The following ARHGAP1 variants were observed in gnomAD, a reference collection of about 807,000 sequenced individuals.
ARHGAP1 encodes the protein Rho GTPase activating protein 1.
ARHGAP1 carries 23 observed loss-of-function variants against 52.2 expected under a neutral mutation model. The ratio of observed to expected loss-of-function variants is 0.44; its 90% CI spans 0.32 to 0.62. The LOEUF (loss-of-function observed/expected upper bound fraction) is 0.62. Among genes scored for constraint, ARHGAP1 ranks in the 20% least tolerant of loss-of-function variants. ARHGAP1 has a pLI of 0.05. For synonymous variants in ARHGAP1, 210 were observed against 228.4 expected (o/e 0.92, Z 0.73); for missense variants, 480 against 560.9 (o/e 0.86, Z 1.46).
intron 3 of ARHGAP1, chr11:46,695,337 G>A: frequency 2.6e-6 from 1 of 391,484 alleles, no homozygotes; most frequent in Non-Finnish European, 4.9e-6. Context: ...CAACATTAGG[G>A]TGGAGGGGTA....
chr11:46,680,764 AG>A lies in ARHGAP1; in HGVS notation c.636-18del, dbSNP rs2064519739. ...TCGTCATATCTGTAGGAGTAGAGGG[AG>A]GTGGGTCAGGTCCTGCCTGGCTCTG... On this transcript the variant is annotated intron_variant, in intron 7 of 12. Coordinates refer to ENST00000311956, the MANE Select transcript of ARHGAP1 (RefSeq NM_004308.5). The surrounding 1 kb of genome is among the most constrained non-coding windows in gnomAD (Gnocchi z 5.9). 6.6e-7 allele frequency: 1 copy of A among 1,510,242 alleles called. No individual in the cohort carries two copies. The highest frequency in any genetic ancestry group is 8.9e-7 in the Non-Finnish European group (1 of 1,125,774). 93.6% of individuals were successfully genotyped at this position (1,510,242 alleles called of 1,614,324 possible).
chr11:46,695,695 T>C lies in ARHGAP1; in HGVS notation c.194A>G (p.Tyr65Cys). 1.9e-6 allele frequency: 3 copies of C among 1,551,980 alleles called. 1 individual carries two copies. Among genetic ancestry groups the C allele is most frequent in the South Asian group, 2.4e-5 (2 of 84,100 alleles). The change falls in exon 3 of 13, where the codon TAT becomes TGT. Residue 65 changes from tyrosine (Y) to cysteine (C), a missense_variant. Tyr to Cys is a radical substitution (Grantham distance 194). Coordinates refer to ENST00000311956, the MANE Select transcript of ARHGAP1 (RefSeq NM_004308.5). ...CACGATCTGGTGCCGGGCGATGTCA[T>C]AGTATGGGTCATCCCACTTCAGGTG... ...VTHLKWDDPYYDIARHQIVEV... is the reference protein window; with the variant it reads ...VTHLKWDDPYCDIARHQIVEV...
chr11:46,689,668 G>A (rs1399442919), intron 3 of ARHGAP1, among the ~76,000 whole-genome samples: 1 of 152,042 alleles, frequency 6.6e-6, no homozygotes, highest in South Asian at 2.1e-4. Flanking sequence ...AGCTTCCCGA[G>A]TAGCTGGGAT....
chr11:46,680,940 G>T lies in ARHGAP1; in HGVS notation c.635+71C>A. 1 of 1,408,534 alleles carries T rather than the reference G, an allele frequency of 7.1e-7. No homozygotes were observed. 87.3% of individuals were successfully genotyped at this position (1,408,534 alleles called of 1,614,324 possible). On this transcript the variant is annotated intron_variant, in intron 7 of 12. Coordinates refer to ENST00000311956, the MANE Select transcript of ARHGAP1 (RefSeq NM_004308.5). This position sits in a 1 kb window ranked among gnomAD's most constrained non-coding sequence, Gnocchi z 5.9. The stretch of plus-strand genomic sequence containing the variant: ...GGCTTGCTCTGCCTAAGCCCCACGC[G>T]GTCTCTGAATCAGGACACACGTCCT...
intron 4 of ARHGAP1, among the ~76,000 whole-genome samples, chr11:46,686,529 C>T (rs2064569730): frequency 6.6e-6 from 1 of 151,276 alleles, no homozygotes; most frequent in Non-Finnish European, 1.5e-5. Flanking sequence ...CGCCATTCTG[C>T]CTCAGCCTCC....
rs758948520 is a variant in ARHGAP1 at position 46,680,245 on chromosome 11, G to A, written c.858C>T (p.Asn286=). Residue 286 remains asparagine (N), a synonymous_variant, in exon 10 of 13, where the codon AAC becomes AAT. Transcript: ENST00000311956. The surrounding 1 kb of genome is among the most constrained non-coding windows in gnomAD (Gnocchi z 5.9). ...GCTGCACTTCCCGGACCACTTGGGT[G>A]TTGGCCGACCTCCGGAAGATGCCCT... ...TTEGIFRRSA[N]TQVVREVQQK... is the part of the protein sequence containing the mutation. The A allele has an allele frequency of 6.2e-7, 1 of 1,614,146 alleles. No homozygotes were observed. Among genetic ancestry groups the A allele is most frequent in the African/African-American group, 1.3e-5 (1 of 75,048 alleles).
At position 46,696,192 on chromosome 11, in the gene ARHGAP1, C is replaced by T; in HGVS notation, c.-49-36G>A. On this transcript the variant is annotated intron_variant, in intron 1 of 12. Transcript: ENST00000311956. The surrounding 1 kb of genome is among the most constrained non-coding windows in gnomAD (Gnocchi z 4.8). ...GGAAGACAGGTGGCAGGTCAGTGAC[C>T]TGCTCTTTTCACCTTCTGCGACCTC... is the stretch of plus-strand genomic sequence containing the variant. 6.9e-7 allele frequency: 1 copy of T among 1,454,572 alleles called. No individual in the cohort carries two copies. 90.1% of individuals were successfully genotyped at this position (1,454,572 alleles called of 1,614,324 possible).
In ARHGAP1 at chr11:46,678,005, C is replaced by T. The variant is rs1428822991; in HGVS notation, c.*1032G>A. On this transcript the variant is annotated 3_prime_UTR_variant, in exon 13 of 13. Coordinates refer to ENST00000311956, the MANE Select transcript of ARHGAP1 (RefSeq NM_004308.5). The stretch of plus-strand genomic sequence containing the variant: ...ATCCCCTGGGGAAATTGCTAGAACC[C>T]ACCTATCTGGACTGACCTATCAGCA... 2 of 432,546 alleles carry T rather than the reference C, an allele frequency of 4.6e-6. No individual in the cohort carries two copies. The highest frequency in any genetic ancestry group is 3.3e-5 in the South Asian group (2 of 61,448). 26.8% of individuals were successfully genotyped at this position (432,546 alleles called of 1,614,324 possible).
Position 46,678,970 on chromosome 11 carries a change from C to T in ARHGAP1, c.*67G>A. Reference sequence around the variant, plus strand: ...CTCTCTCCAGGGGGCTTCATGGCCCCTGATGCCAGGAGGAAGAGTCCAAAC... The same window carrying T: ...CTCTCTCCAGGGGGCTTCATGGCCCTTGATGCCAGGAGGAAGAGTCCAAAC... On this transcript the variant is annotated 3_prime_UTR_variant, in exon 13 of 13. Transcript: ENST00000311956. 2 of 1,545,766 alleles carry T rather than the reference C, an allele frequency of 1.3e-6. No homozygotes were observed. The highest frequency in any genetic ancestry group is 1.8e-4 in the Middle Eastern group (1 of 5,682).
At chr11:46,700,118 C>G (rs2064690586) in intron 1 of ARHGAP1, among the ~76,000 whole-genome samples, 3 of 152,216 alleles carry the variant, frequency 2.0e-5, no homozygotes, top group Admixed American at 6.5e-5. Context: ...TGCAGTGAAC[C>G]GAGACTCCAG....
Position 46,696,059 on chromosome 11 carries a change from T to G in ARHGAP1, c.49A>C (p.Ser17Arg). 6.2e-7 allele frequency: 1 copy of G among 1,613,302 alleles called. No homozygotes were observed. Among genetic ancestry groups the G allele is most frequent in the Non-Finnish European group, 8.5e-7 (1 of 1,179,672 alleles). Residue 17 changes from serine (S) to arginine (R), a missense_variant, in exon 2 of 13, where the codon AGC becomes CGC. By Grantham distance (110) the Ser-to-Arg change is moderately radical. Transcript: ENST00000311956. This position sits in a 1 kb window ranked among gnomAD's most constrained non-coding sequence, Gnocchi z 4.8. ...LQDDLTLDDT[S>R]EALNQLKLAS... ...AGCTTCAGCTGGTTCAGAGCCTCGC[T>G]GGTGTCATCCAAGGTCAGATCATCC...
chr11:46,696,039 C>A lies in ARHGAP1; in HGVS notation c.69G>T (p.Leu23=), dbSNP rs1354296278. ...LDDTSEALNQ[L]KLASIDEKNW... is the part of the protein sequence containing the mutation. ...TCTTCTCATCGATGGAGGCCAGCTT[C>A]AGCTGGTTCAGAGCCTCGCTGGTGT... The change falls in exon 2 of 13, where the codon CTG becomes CTT. Residue 23 remains leucine (L), a synonymous_variant. Coordinates refer to ENST00000311956, the MANE Select transcript of ARHGAP1 (RefSeq NM_004308.5). This position sits in a 1 kb window ranked among gnomAD's most constrained non-coding sequence, Gnocchi z 4.8. 1 of 1,613,980 alleles carries A rather than the reference C, an allele frequency of 6.2e-7. No homozygotes were observed. Among genetic ancestry groups the A allele is most frequent in the African/African-American group, 1.3e-5 (1 of 74,954 alleles).
rs571948386 is a variant in ARHGAP1, at chr11:46,700,584, T to C, written c.-83A>G. ...GGCACTGCTCCCTCTGCCACGCCTG[T>C]CAAGGCTCGGCAAACATCCGGCTCC... is the stretch of plus-strand genomic sequence containing the variant. On this transcript the variant is annotated 5_prime_UTR_variant, in exon 1 of 13. An upstream open reading frame in the 5' UTR loses its in-frame stop. Coordinates refer to ENST00000311956, the MANE Select transcript of ARHGAP1 (RefSeq NM_004308.5). The C allele has an allele frequency of 1.5e-4, 30 of 202,302 alleles. No homozygotes were observed. The highest frequency in any genetic ancestry group is 5.6e-4 in the African/African-American group (24 of 42,674). 12.5% of individuals were successfully genotyped at this position (202,302 alleles called of 1,614,324 possible). A position where few individuals can be genotyped will look rare whatever the true frequency, so the allele number is the denominator to read the frequency against.
rs1167475527 is a variant in ARHGAP1 at position 46,680,479 on chromosome 11, G to A, written c.820+8C>T. On this transcript the variant is annotated splice_region_variant and intron_variant, in intron 9 of 12. Coordinates refer to ENST00000311956, the MANE Select transcript of ARHGAP1 (RefSeq NM_004308.5). The surrounding 1 kb of genome is among the most constrained non-coding windows in gnomAD (Gnocchi z 5.9). Reference sequence around the variant, plus strand: ...CCTGGCTGGTGAGGAGGCAGGCCCGGCACTCACCGTGGGCCTGTAAGTAGG... The same window carrying A: ...CCTGGCTGGTGAGGAGGCAGGCCCGACACTCACCGTGGGCCTGTAAGTAGG... 2 of 1,613,184 alleles carry A rather than the reference G, an allele frequency of 1.2e-6. No individual in the cohort carries two copies. Among genetic ancestry groups the A allele is most frequent in the East Asian group, 2.2e-5 (1 of 44,882 alleles).
intron 1 of ARHGAP1, among the ~76,000 whole-genome samples, chr11:46,698,761 G>A (rs551866575): frequency 1.9e-4 from 29 of 151,858 alleles, no homozygotes; most frequent in Non-Finnish European, 3.8e-4. Flanking sequence ...CTCCCTCAAC[G>A]CCCCCACATA....
rs2064522041 is a variant in ARHGAP1, at chr11:46,681,031, C to T, written c.615G>A (p.Gly205=). ...LSEHVKLEQL[G]IPRQVLKYDD... is the part of the protein sequence containing the mutation. ...CTCACTTGAGCACTTGGCGAGGGATCCCCAGCTGCTCCAGCTTCACGTGCT... is the reference window on the plus strand; with the variant it reads ...CTCACTTGAGCACTTGGCGAGGGATTCCCAGCTGCTCCAGCTTCACGTGCT... Residue 205 remains glycine (G), a synonymous_variant, in exon 7 of 13, where the codon GGG becomes GGA. Transcript: ENST00000311956. This position sits in a 1 kb window ranked among gnomAD's most constrained non-coding sequence, Gnocchi z 5.7. 6.2e-7 allele frequency: 1 copy of T among 1,614,142 alleles called. No individual in the cohort carries two copies. Among genetic ancestry groups the T allele is most frequent in the Non-Finnish European group, 8.5e-7 (1 of 1,180,022 alleles).
chr11:46,684,884 T>A (rs2064555744), intron 4 of ARHGAP1, among the ~76,000 whole-genome samples: 2 of 151,864 alleles, frequency 1.3e-5, no homozygotes, highest in South Asian at 4.2e-4. Flanking sequence ...GGTCAGGAGT[T>A]CAAGACCAGC....
intron 4 of ARHGAP1, among the ~76,000 whole-genome samples, chr11:46,683,891 C>A (rs571622041): frequency 2.6e-5 from 4 of 152,180 alleles, no homozygotes; most frequent in Non-Finnish European, 5.9e-5. Context: ...CCGCCTGCCT[C>A]GGCCTCCCAA....
At chr11:46,688,359 T>C in intron 3 of ARHGAP1, 99 bp from the exon 4 acceptor site, 5 of 1,222,492 alleles carry the variant, frequency 4.1e-6, no homozygotes, top group Non-Finnish European at 5.8e-6. Flanking sequence ...CTGAGCCAGT[T>C]ACCACAGGGG....
Sources: allele counts gnomAD v4.1 joint callset (sites outside exome capture counted in the v4.1 genomes callset), GRCh38; gene constraint gnomAD v4.1.1; non-coding constraint Gnocchi (gnomAD v3.1); transcripts MANE v1.5; gene names NCBI Gene and HGNC (gene_info 2026-07-23, HGNC 2026-07-21).